The following ERICH6B variants were observed in gnomAD, a reference collection of about 807,000 sequenced individuals.
ERICH6B encodes the protein glutamate rich 6B.
ERICH6B carries 69 observed loss-of-function variants against 80.0 expected under a neutral mutation model. That is an observed-to-expected ratio of 0.86 (90% CI 0.71 to 1.05). The LOEUF (loss-of-function observed/expected upper bound fraction) is 1.05. Among genes scored for constraint, ERICH6B ranks in the 50% least tolerant of loss-of-function variants. The pLI is 0.00. For missense variants in ERICH6B, 754 were observed against 796.1 expected, an observed-to-expected ratio of 0.95 and a Z score of 0.64; for synonymous variants, 283 against 291.9, an observed-to-expected ratio of 0.97 and a Z score of 0.31.
chr13:45,612,197 G>A (rs1391276879), intron 1 of ERICH6B, among the ~76,000 whole-genome samples: 2 of 152,134 alleles, frequency 1.3e-5, no homozygotes, highest in Non-Finnish European at 2.9e-5. Flanking sequence ...AAAATGATAA[G>A]CTTCCAAGTC....
rs138577703 is a variant in ERICH6B at position 45,600,895 on chromosome 13, T to C, written c.-58-3832A>G. 1.3e-3 allele frequency among the ~76,000 whole-genome samples: 191 copies of C among 152,324 alleles called. 1 individual carries two copies. The highest frequency in any genetic ancestry group is 4.4e-3 in the African/African-American group (182 of 41,578). ...GAATTGCTGGATTAAATGGTAGTTC[T>C]ATAAGTCCAGTTTTAGCAAGAAGCC... On this transcript the variant is annotated intron_variant, in intron 2 of 14. Coordinates refer to ENST00000298738, the MANE Select transcript of ERICH6B (RefSeq NM_182542.3).
At chr13:45,589,291 C>T (rs1876060567) in intron 4 of ERICH6B, among the ~76,000 whole-genome samples, 1 of 152,166 alleles carries the variant, frequency 6.6e-6, no homozygotes, top group South Asian at 2.1e-4. Flanking sequence ...CACAGCTCTC[C>T]ATGGGCCCTG....
intron 4 of ERICH6B, among the ~76,000 whole-genome samples, chr13:45,588,642 C>T (rs1295551253): frequency 2.6e-5 from 4 of 152,246 alleles, no homozygotes; most frequent in East Asian, 1.9e-4. Context: ...AAAGTCAAAT[C>T]TGCCAAACAA....
chr13:45,586,385 C>A (rs113588759), intron 5 of ERICH6B, among the ~76,000 whole-genome samples: 14 of 152,246 alleles, frequency 9.2e-5, no homozygotes, highest in African/African-American at 3.4e-4. Flanking sequence ...ATGGATCGAT[C>A]CCACTAAAGC....
chr13:45,559,744 T>TGGAAATCTGAGA (rs1874589505), intron 11 of ERICH6B, among the ~76,000 whole-genome samples: 1 of 152,200 alleles, frequency 6.6e-6, no homozygotes, highest in South Asian at 2.1e-4. Flanking sequence ...TTTATTCCAC[T>TGGAAATCTGAGA]GTGGTCTGAG....
intron 8 of ERICH6B, among the ~76,000 whole-genome samples, chr13:45,574,287 G>A (rs1026596722): frequency 2.6e-5 from 4 of 152,120 alleles, no homozygotes; most frequent in Admixed American, 6.5e-5. Flanking sequence ...CAGGAAATTC[G>A]AGCCACTAGT....
At chr13:45,555,970 C>T (rs1874419491) in intron 11 of ERICH6B, among the ~76,000 whole-genome samples, 1 of 147,548 alleles carries the variant, frequency 6.8e-6, no homozygotes, top group South Asian at 2.3e-4. Context: ...TTGGCTCTAT[C>T]TAGAATGCCC....
At chr13:45,563,641 C>T in intron 10 of ERICH6B, 86 bp downstream of exon 10, 1 of 1,251,502 alleles carries the variant, frequency 8.0e-7, no homozygotes, top group Non-Finnish European at 1.1e-6. Flanking sequence ...CTTCCACCTT[C>T]TTTACAGTAC....
intron 1 of ERICH6B, among the ~76,000 whole-genome samples, chr13:45,611,212 C>T (rs1052999106): frequency 1.3e-5 from 2 of 152,256 alleles, no homozygotes; most frequent in Admixed American, 6.5e-5. Context: ...CATTGTCCAG[C>T]CCGATCAAGC....
chr13:45,580,640 T>C lies in ERICH6B; in HGVS notation c.882A>G (p.Glu294=). 6.4e-7 allele frequency: 1 copy of C among 1,551,692 alleles called. No homozygotes were observed. Among genetic ancestry groups the C allele is most frequent in the Non-Finnish European group, 8.7e-7 (1 of 1,146,986 alleles). ...TAVKSLKSKS[E]TEQETTTKLA... is the part of the protein sequence containing the mutation. ...GCTTCGTGGTGGTTTCTTGCTCTGT[T>C]TCTGATTTCGATTTTAAAGATTTTA... The change falls in exon 6 of 15, where the codon GAA becomes GAG. Residue 294 remains glutamate, a synonymous_variant. Coordinates refer to ENST00000298738, the MANE Select transcript of ERICH6B (RefSeq NM_182542.3).
At chr13:45,605,554 A>T (rs1006261869) in intron 2 of ERICH6B, among the ~76,000 whole-genome samples, 2 of 152,330 alleles carry the variant, frequency 1.3e-5, no homozygotes, top group East Asian at 3.9e-4. Context: ...AAGGTCAGGC[A>T]AGTCCTAAGT....
intron 7 of ERICH6B, among the ~76,000 whole-genome samples, chr13:45,575,189 G>A (rs1365117917): frequency 6.6e-6 from 1 of 152,236 alleles, no homozygotes; most frequent in Non-Finnish European, 1.5e-5. Context: ...GGTGGCTGGT[G>A]AGGGTCAGTC....
At chr13:45,609,247 C>T (rs918577260) in intron 1 of ERICH6B, among the ~76,000 whole-genome samples, 1 of 152,194 alleles carries the variant, frequency 6.6e-6, no homozygotes. Flanking sequence ...CCAAGTTGGC[C>T]CCACATCCTC....
chr13:45,587,269 CA>C (rs1875951992), intron 4 of ERICH6B, 37 bp from the exon 5 acceptor site: 1 of 1,545,776 alleles, frequency 6.5e-7, no homozygotes, highest in African/African-American at 1.4e-5. Flanking sequence ...AACTTCCAGA[CA>C]GGGGCCAGGT....
At chr13:45,548,640 C>T (rs1179622149) in intron 13 of ERICH6B, among the ~76,000 whole-genome samples, 3 of 152,074 alleles carry the variant, frequency 2.0e-5, no homozygotes, top group East Asian at 1.9e-4. Context: ...GCAGAGGGGC[C>T]GGGACATGCT....
At chr13:45,552,028 G>A (rs1390271742) in intron 11 of ERICH6B, among the ~76,000 whole-genome samples, 3 of 152,162 alleles carry the variant, frequency 2.0e-5, no homozygotes, top group African/African-American at 7.2e-5. Flanking sequence ...TGTTTCCCAT[G>A]AGTGTAGTTA....
intron 4 of ERICH6B, among the ~76,000 whole-genome samples, chr13:45,589,897 C>A (rs1196325292): frequency 6.6e-6 from 1 of 152,150 alleles, no homozygotes. Flanking sequence ...CAGTGCAGGG[C>A]TGGAGGGGGG....
At position 45,608,440 on chromosome 13, in the gene ERICH6B, T is replaced by G. The variant is rs184652416; in HGVS notation, c.-110-825A>C. 2.6e-5 allele frequency among the ~76,000 whole-genome samples: 4 copies of G among 152,320 alleles called. No individual in the cohort carries two copies. The East Asian group carries it at 7.7e-4, about 29-fold the overall frequency. ...ACTGGAACTGCTCTTTTCTTTGTCT[T>G]GTCACTACATGGTATTTATGGCTCT... On this transcript the variant is annotated intron_variant, in intron 1 of 14. Transcript: ENST00000298738.
intron 14 of ERICH6B, among the ~76,000 whole-genome samples, chr13:45,543,392 G>T (rs1187730537): frequency 6.6e-6 from 1 of 152,202 alleles, no homozygotes; most frequent in Non-Finnish European, 1.5e-5. Flanking sequence ...TGGAAACGGG[G>T]TCTCTGTGGA....
Sources: allele counts gnomAD v4.1 joint callset (sites outside exome capture counted in the v4.1 genomes callset), GRCh38; gene constraint gnomAD v4.1.1; transcripts MANE v1.5; gene names NCBI Gene and HGNC (gene_info 2026-07-23, HGNC 2026-07-21).